Variants in ROBO2 observed in about 807,000 individuals in gnomAD.
ROBO2 encodes roundabout homolog 2.
Under a neutral mutation model 160.8 loss-of-function variants are expected in ROBO2, and 53 were observed. The observed-to-expected ratio is 0.33, with a 90% CI of 0.26 to 0.41. The LOEUF is 0.41. ROBO2 is among the 10% of genes least tolerant of loss of function. ROBO2 has a pLI of 1.00. For missense variants in ROBO2, 1,577 were observed against 1,722.4 expected, an observed-to-expected ratio of 0.92 and a Z score of 1.49; for synonymous variants, 664 against 611.7, an observed-to-expected ratio of 1.09 and a Z score of -1.26.
chr3:77,391,635 A>G (rs2074743580), intron 2 of ROBO2, among the ~76,000 whole-genome samples: 7 of 152,160 alleles, frequency 4.6e-5, no homozygotes, highest in Admixed American at 4.6e-4. Flanking sequence ...CATGGAAATT[A>G]TGGGAGCTAC....
At chr3:76,647,820 T>TA (rs1173036950) in intron 2 of ROBO2, among the ~76,000 whole-genome samples, 6 of 152,088 alleles carry the variant, frequency 3.9e-5, no homozygotes, top group African/African-American at 1.4e-4. Flanking sequence ...AGGTAAAAGT[T>TA]ACGTTGAAAT....
At chr3:77,008,456 A>C (rs1004236106) in intron 2 of ROBO2, among the ~76,000 whole-genome samples, 2 of 152,184 alleles carry the variant, frequency 1.3e-5, no homozygotes, top group Admixed American at 6.5e-5. Context: ...AAAAGTGGTA[A>C]AATGTACATC....
rs913829737 is a variant in ROBO2, at chr3:75,987,716, G to T, written c.109+50114G>T. On this transcript the variant is annotated intron_variant, in intron 2 of 26. Transcript: ENST00000487694. Reference sequence around the variant, plus strand: ...TATATATGGATTTTATTATGTTAAGGTAGTTTTCTTCAGTTCCTAGTTTGT... The same window carrying T: ...TATATATGGATTTTATTATGTTAAGTTAGTTTTCTTCAGTTCCTAGTTTGT... 2.0e-5 allele frequency among the ~76,000 whole-genome samples: 3 copies of T among 151,952 alleles called. No individual in the cohort carries two copies. In the East Asian group the frequency reaches 5.8e-4, roughly 29 times the overall value.
intron 2 of ROBO2, among the ~76,000 whole-genome samples, chr3:75,955,489 T>C (rs958379928): frequency 6.6e-6 from 1 of 151,344 alleles, no homozygotes; most frequent in African/African-American, 2.4e-5. Flanking sequence ...AAGATAATGT[T>C]TAGGGGGGAG....
intron 2 of ROBO2, among the ~76,000 whole-genome samples, chr3:76,572,598 C>A (rs2085024680): frequency 6.6e-6 from 1 of 152,090 alleles, no homozygotes; most frequent in African/African-American, 2.4e-5. Flanking sequence ...TACTTCCCAC[C>A]TATAGATATT....
intron 2 of ROBO2, among the ~76,000 whole-genome samples, chr3:77,123,856 G>T (rs990176521): frequency 6.8e-6 from 1 of 147,710 alleles, no homozygotes; most frequent in Non-Finnish European, 1.5e-5. Flanking sequence ...TATCTATATA[G>T]ATACATAGAT....
chr3:76,493,364 T>TATATATATATATATAA lies in ROBO2; in HGVS notation c.109+555763_109+555764insTATATATATATATAAA, dbSNP rs1491215318. On this transcript the variant is annotated intron_variant, in intron 2 of 26. Transcript: ENST00000487694. ...ATATATATATATATATATATATATA[T>TATATATATATATATAA]AATTGTATATACATGTACAAAAAAG... is the stretch of plus-strand genomic sequence containing the variant. 2.0e-3 allele frequency among the ~76,000 whole-genome samples: 274 copies of TATATATATATATATAA among 136,676 alleles called. 5 individuals are homozygous for TATATATATATATATAA. The highest frequency in any genetic ancestry group is 7.2e-3 in the African/African-American group (267 of 37,136). 89.7% of individuals were successfully genotyped at this position (136,676 alleles called of 152,430 possible).
chr3:77,007,319 G>A (rs2061633447), intron 2 of ROBO2, among the ~76,000 whole-genome samples: 1 of 152,040 alleles, frequency 6.6e-6, no homozygotes, highest in South Asian at 2.1e-4. Context: ...CATTTTCTCA[G>A]GTTTTGCTTT....
chr3:77,232,248 G>A (rs2087314242), intron 2 of ROBO2, among the ~76,000 whole-genome samples: 2 of 152,160 alleles, frequency 1.3e-5, no homozygotes, highest in Admixed American at 1.3e-4. Flanking sequence ...CTATGGGAAA[G>A]TATTATAAAT....
intron 2 of ROBO2, among the ~76,000 whole-genome samples, chr3:76,507,964 T>A (rs2107713160): frequency 6.6e-6 from 1 of 152,280 alleles, no homozygotes; most frequent in East Asian, 1.9e-4. Flanking sequence ...AAGGGTTGTA[T>A]AATGAACACT....
intron 6 of ROBO2, among the ~76,000 whole-genome samples, chr3:77,525,360 G>C (rs927348636): frequency 6.7e-6 from 1 of 148,646 alleles, no homozygotes; most frequent in Non-Finnish European, 1.5e-5. Flanking sequence ...GAAAAGGTAA[G>C]AGAGTTTATT....
In ROBO2 at chr3:77,402,308, T is replaced by A. The variant is rs59287861; in HGVS notation, c.389-75106T>A. On this transcript the variant is annotated intron_variant, in intron 2 of 25. Coordinates refer to ENST00000461745, the Ensembl canonical transcript of ROBO2. The stretch of plus-strand genomic sequence containing the variant: ...TCTGGAGTGGGGTCTAGGGGAGGGA[T>A]AGCATTAGGAGAAATACCTAATGTA... 9.8e-3 allele frequency among the ~76,000 whole-genome samples: 1,495 copies of A among 151,966 alleles called. 34 individuals carry two copies. Among genetic ancestry groups the A allele is most frequent in the African/African-American group, 0.034 (1,428 of 41,424 alleles).
intron 2 of ROBO2, among the ~76,000 whole-genome samples, chr3:76,626,578 T>C (rs557799614): frequency 1.3e-5 from 2 of 152,204 alleles, no homozygotes; most frequent in Non-Finnish European, 1.5e-5. Flanking sequence ...ATACATAGCA[T>C]GTATAGTTTA....
intron 2 of ROBO2, among the ~76,000 whole-genome samples, chr3:77,295,085 T>G (rs1286551946): frequency 6.7e-6 from 1 of 150,074 alleles, no homozygotes; most frequent in Non-Finnish European, 1.5e-5. Flanking sequence ...ACTAAAGACA[T>G]AAAGTAAATT....
intron 2 of ROBO2, among the ~76,000 whole-genome samples, chr3:76,272,547 C>T (rs1395361849): frequency 3.3e-5 from 5 of 150,224 alleles, no homozygotes; most frequent in Non-Finnish European, 7.4e-5. Flanking sequence ...CCTGTAATCC[C>T]AGCTACTTGG....
intron 4 of ROBO2, among the ~76,000 whole-genome samples, chr3:77,491,790 G>A (rs1391615634): frequency 1.3e-5 from 2 of 151,924 alleles, no homozygotes; most frequent in African/African-American, 4.8e-5. Context: ...TGGGATTTTT[G>A]AGTCCCAGAG....
chr3:77,558,958 C>T (rs1039300376), intron 9 of ROBO2, among the ~76,000 whole-genome samples: 9 of 151,988 alleles, frequency 5.9e-5, no homozygotes, highest in African/African-American at 1.2e-4. Context: ...TTAGAGTTGC[C>T]GTCTCATCTG....
At chr3:77,474,648 TA>T (rs1472757543) in intron 2 of ROBO2, among the ~76,000 whole-genome samples, 4 of 129,380 alleles carry the variant, frequency 3.1e-5, no homozygotes, top group Middle Eastern at 4.0e-3. Context: ...GTAGAGGATT[TA>T]GGGGGAATAC....
At chr3:77,613,559 C>T (rs757318668) in intron 21 of ROBO2, among the ~76,000 whole-genome samples, 1 of 151,970 alleles carries the variant, frequency 6.6e-6, no homozygotes, top group Non-Finnish European at 1.5e-5. Flanking sequence ...CCTCCTCTTA[C>T]GTATTTCTGT....
Sources: gnomAD v4.1 joint callset for allele counts (sites outside exome capture counted in the v4.1 genomes callset) on GRCh38, gnomAD v4.1.1 for gene constraint, MANE v1.5 for transcripts, NCBI Gene and HGNC (gene_info 2026-07-23, HGNC 2026-07-21) for gene names.